PLEKHG1: variants seen among roughly 807,000 people sequenced by gnomAD.
The protein encoded by PLEKHG1 is pleckstrin homology and RhoGEF domain containing G1, also known as pleckstrin homology domain-containing family G member 1.
In PLEKHG1, 44 loss-of-function variants were observed where a neutral mutation model predicts 100.8. The ratio of observed to expected loss-of-function variants is 0.44; its 90% confidence interval spans 0.34 to 0.56. The LOEUF (loss-of-function observed/expected upper bound fraction) is 0.56. PLEKHG1 is among the 20% of genes least tolerant of loss of function. The pLI, the probability that PLEKHG1 is intolerant of heterozygous loss-of-function variation, is 0.01. For synonymous variants in PLEKHG1, 640 were observed against 662.5 expected (o/e 0.97, Z 0.52); for missense variants, 1,545 against 1,720.9 (o/e 0.90, Z 1.81).
Position 150,831,436 on chromosome 6 carries a change from C to A in PLEKHG1, c.2325C>A (p.Phe775Leu). ...CCTTTTTGGGTCTGGAGGCCGACTT[C>A]GTGTGCTGTGACAGCCTGAGGCCAT... The change falls in exon 15 of 16, where the codon TTC becomes TTA. Residue 775 changes from phenylalanine (F) to leucine (L), a missense_variant. Coordinates refer to ENST00000358517, the Ensembl canonical transcript of PLEKHG1. This position sits in a 1 kb window ranked among gnomAD's most constrained non-coding sequence, Gnocchi z 4.1. 6.2e-7 allele frequency: 1 copy of A among 1,614,174 alleles called. No homozygotes were observed. Among genetic ancestry groups the A allele is most frequent in the Non-Finnish European group, 8.5e-7 (1 of 1,180,044 alleles).
At chr6:150,613,565 A>G (rs1776939080) in intron 1 of PLEKHG1, among the ~76,000 whole-genome samples, 1 of 152,178 alleles carries the variant, frequency 6.6e-6, no homozygotes, top group South Asian at 2.1e-4. Context: ...GCAGCAGCCT[A>G]AGTGCTGTGG....
chr6:150,640,831 G>A (rs1778222665), intron 2 of PLEKHG1, among the ~76,000 whole-genome samples: 1 of 152,116 alleles, frequency 6.6e-6, no homozygotes, highest in Non-Finnish European at 1.5e-5. Flanking sequence ...GGCATGCTGT[G>A]GTACACAGAG....
intron 2 of PLEKHG1, among the ~76,000 whole-genome samples, chr6:150,743,942 G>A (rs939918053): frequency 2.0e-5 from 3 of 152,216 alleles, no homozygotes; most frequent in Non-Finnish European, 4.4e-5. Context: ...GGTAATGGAC[G>A]AAAGCCATCA....
chr6:150,628,576 A>ACACACACACACACAC (rs1317085737), intron 1 of PLEKHG1, among the ~76,000 whole-genome samples: 1 of 108,098 alleles, frequency 9.3e-6, no homozygotes, highest in African/African-American at 3.4e-5. Context: ...ACACACACAC[A>ACACACACACACACAC]CCCCGTCCTT....
intron 3 of PLEKHG1, among the ~76,000 whole-genome samples, chr6:150,671,171 C>T (rs1779568960): frequency 6.6e-6 from 1 of 151,916 alleles, no homozygotes; most frequent in South Asian, 2.1e-4. Flanking sequence ...GTTGGTTCCG[C>T]AGTTGTGAAT....
intron 1 of PLEKHG1, among the ~76,000 whole-genome samples, chr6:150,728,540 CA>C (rs780298978): frequency 5.9e-5 from 9 of 151,834 alleles, no homozygotes; most frequent in Non-Finnish European, 1.3e-4. Context: ...TGTGCCACTG[CA>C]CTCCAGCCTG....
chr6:150,703,918 T>C (rs1039495307), intron 3 of PLEKHG1, among the ~76,000 whole-genome samples: 1 of 152,248 alleles, frequency 6.6e-6, no homozygotes, highest in African/African-American at 2.4e-5. Context: ...TTGGTGACTT[T>C]GAATTTGTTT....
At chr6:150,730,647 A>T (rs1023348864) in intron 1 of PLEKHG1, among the ~76,000 whole-genome samples, 1 of 152,110 alleles carries the variant, frequency 6.6e-6, no homozygotes, top group African/African-American at 2.4e-5. Context: ...TCACACCTAT[A>T]AACCCAACAC....
chr6:150,654,883 C>G (rs1477127419), intron 3 of PLEKHG1, among the ~76,000 whole-genome samples: 3 of 152,232 alleles, frequency 2.0e-5, no homozygotes, highest in Non-Finnish European at 4.4e-5. Context: ...TGGCAGAATG[C>G]CAGAGGACAG....
At chr6:150,650,058 CA>C (rs11330738) in intron 2 of PLEKHG1, among the ~76,000 whole-genome samples, 104,017 of 126,556 alleles carry the variant, frequency 0.82, 42,125 homozygotes, top group Middle Eastern at 0.86. Context: ...AACTTTGTCT[CA>C]AAAAAAAAAA....
At chr6:150,750,102 C>T (rs567673490) in intron 2 of PLEKHG1, among the ~76,000 whole-genome samples, 11 of 150,132 alleles carry the variant, frequency 7.3e-5, no homozygotes, top group Admixed American at 6.6e-4. Flanking sequence ...ACTAGAAGAA[C>T]ATTTTTACTT....
intron 1 of PLEKHG1, among the ~76,000 whole-genome samples, chr6:150,629,872 A>T (rs1424865349): frequency 6.6e-6 from 1 of 152,208 alleles, no homozygotes; most frequent in African/African-American, 2.4e-5. Context: ...TTGAACTTTC[A>T]TACTTTGATT....
intron 3 of PLEKHG1, among the ~76,000 whole-genome samples, chr6:150,668,684 CG>C (rs1420031491): frequency 6.6e-6 from 1 of 152,092 alleles, no homozygotes; most frequent in Non-Finnish European, 1.5e-5. Flanking sequence ...ACTTTAAAAC[CG>C]GAATGCTTTA....
intron 2 of PLEKHG1, among the ~76,000 whole-genome samples, chr6:150,754,790 T>C (rs553129398): frequency 5.2e-4 from 78 of 151,406 alleles, no homozygotes; most frequent in Non-Finnish European, 9.3e-4. Flanking sequence ...TGCCTCAGCC[T>C]CCAATGTAGC....
chr6:150,821,171 T>C (rs780806395), intron 12 of PLEKHG1, 24 bp from the exon 14 acceptor site: 1 of 1,608,378 alleles, frequency 6.2e-7, no homozygotes, highest in African/African-American at 1.3e-5. Flanking sequence ...TTGCCAATGA[T>C]GCTGGCTTTG....
intron 10 of PLEKHG1, among the ~76,000 whole-genome samples, chr6:150,810,512 G>GA (rs1161807615): frequency 3.1e-5 from 2 of 65,466 alleles, no homozygotes; most frequent in African/African-American, 1.4e-4. Flanking sequence ...AAGAAAGAAA[G>GA]AAAAAGAAAG....
intron 1 of PLEKHG1, among the ~76,000 whole-genome samples, chr6:150,630,075 T>C (rs1777683972): frequency 6.6e-6 from 1 of 152,214 alleles, no homozygotes. Flanking sequence ...TCTTTATATT[T>C]GAACGGTACT....
intron 3 of PLEKHG1, among the ~76,000 whole-genome samples, chr6:150,693,579 T>C (rs935837316): frequency 6.6e-6 from 1 of 152,184 alleles, no homozygotes; most frequent in Admixed American, 6.5e-5. Context: ...CACAGCTCCG[T>C]GGTTCAGGCT....
chr6:150,599,946 C>A, exon 1 of PLEKHG1: 1 of 210,522 alleles, frequency 4.8e-6, no homozygotes, highest in Non-Finnish European at 9.7e-6. Context: ...CCCGAGCCGG[C>A]GCAGCGCAGC....
Sources: allele counts gnomAD v4.1 joint callset (sites outside exome capture counted in the v4.1 genomes callset), GRCh38; gene constraint gnomAD v4.1.1; non-coding constraint Gnocchi (gnomAD v3.1); transcripts MANE v1.5; gene names NCBI Gene and HGNC (gene_info 2026-07-23, HGNC 2026-07-21).